INPP4B: variants seen among roughly 807,000 people sequenced by gnomAD.
INPP4B encodes the protein inositol polyphosphate 4-phosphatase type II.
Under a neutral mutation model 122.5 loss-of-function variants are expected in INPP4B, and 55 were observed. The ratio of observed to expected loss-of-function variants is 0.45; its 90% CI spans 0.36 to 0.56. INPP4B has a LOEUF of 0.56. Ranked by LOEUF, INPP4B falls within the 20% of genes least tolerant of loss-of-function variation. The pLI, the probability that INPP4B is intolerant of heterozygous loss-of-function variation, is 0.00. For synonymous variants in INPP4B, 403 were observed against 388.7 expected (o/e 1.04, Z -0.43); for missense variants, 1,000 against 1,097.7 (o/e 0.91, Z 1.26).
intron 5 of INPP4B, among the ~76,000 whole-genome samples, chr4:142,409,302 G>A (rs1163144073): frequency 1.3e-5 from 2 of 152,182 alleles, no homozygotes; most frequent in Non-Finnish European, 2.9e-5. Flanking sequence ...AGACCAGCCT[G>A]GCCAACATGG....
At chr4:142,202,324 A>T (rs1282757504) in intron 14 of INPP4B, among the ~76,000 whole-genome samples, 3 of 152,114 alleles carry the variant, frequency 2.0e-5, no homozygotes, top group Non-Finnish European at 4.4e-5. Flanking sequence ...TCAAAAATGA[A>T]GACACGCTGA....
chr4:142,423,217 A>G (rs755430167), intron 5 of INPP4B, among the ~76,000 whole-genome samples: 7 of 152,112 alleles, frequency 4.6e-5, no homozygotes, highest in Non-Finnish European at 1.0e-4. Context: ...TTAGAAAAAC[A>G]TATAAAACAA....
intron 7 of INPP4B, among the ~76,000 whole-genome samples, chr4:142,357,215 G>A (rs935076136): frequency 6.6e-6 from 1 of 152,002 alleles, no homozygotes; most frequent in Non-Finnish European, 1.5e-5. Context: ...TCTCTGATTT[G>A]TAGCCAAGTC....
chr4:142,735,374 A>C (rs570563978), intron 1 of INPP4B, among the ~76,000 whole-genome samples: 1 of 152,290 alleles, frequency 6.6e-6, no homozygotes, highest in East Asian at 1.9e-4. Flanking sequence ...ATAGTCTTAA[A>C]TTTTTAGAAA....
intron 7 of INPP4B, among the ~76,000 whole-genome samples, chr4:142,397,804 A>G (rs999722621): frequency 2.0e-5 from 3 of 152,068 alleles, no homozygotes; most frequent in Non-Finnish European, 4.4e-5. Context: ...GAGCCACTGC[A>G]TTCCAGCCTG....
At chr4:142,816,315 A>C (rs1780109568) in intron 1 of INPP4B, among the ~76,000 whole-genome samples, 1 of 152,166 alleles carries the variant, frequency 6.6e-6, no homozygotes, top group Admixed American at 6.6e-5. Context: ...GTAAGAAATT[A>C]TTTCATCAAT....
chr4:142,771,928 A>G (rs11733339), intron 1 of INPP4B, among the ~76,000 whole-genome samples: 1 of 152,140 alleles, frequency 6.6e-6, no homozygotes, highest in South Asian at 2.1e-4. Context: ...CTTCTCTCTC[A>G]CTTGAAGAAA....
At chr4:142,737,612 G>C (rs906803037) in intron 1 of INPP4B, among the ~76,000 whole-genome samples, 1 of 152,128 alleles carries the variant, frequency 6.6e-6, no homozygotes, top group African/African-American at 2.4e-5. Flanking sequence ...ATGGACAAAT[G>C]GGATCTAATT....
chr4:142,321,956 T>C (rs1770242497), intron 7 of INPP4B, among the ~76,000 whole-genome samples: 1 of 152,182 alleles, frequency 6.6e-6, no homozygotes. Context: ...TAACATTAAA[T>C]CTTCATTTAC....
At chr4:142,298,683 C>CAA (rs386401712) in intron 9 of INPP4B, among the ~76,000 whole-genome samples, 6,695 of 65,630 alleles carry the variant, frequency 0.1, 909 homozygotes, top group South Asian at 0.14. Context: ...GACTCTGTCT[C>CAA]AAAAAAAAAA....
intron 1 of INPP4B, among the ~76,000 whole-genome samples, chr4:142,773,833 G>A (rs886963843): frequency 6.6e-6 from 1 of 151,186 alleles, no homozygotes; most frequent in Non-Finnish European, 1.5e-5. Flanking sequence ...CCCCAGAAGA[G>A]AATGAAATTG....
intron 2 of INPP4B, among the ~76,000 whole-genome samples, chr4:142,606,481 A>ACACAT (rs1741290001): frequency 6.6e-6 from 1 of 151,978 alleles, no homozygotes; most frequent in African/African-American, 2.4e-5. Context: ...CTTGATCATT[A>ACACAT]CACATTCTTT....
At chr4:142,228,130 A>G (rs1162600372) in intron 12 of INPP4B, among the ~76,000 whole-genome samples, 4 of 151,946 alleles carry the variant, frequency 2.6e-5, no homozygotes, top group Admixed American at 1.3e-4. Context: ...TTTTTATCAC[A>G]TAGTTTTTAA....
Position 142,453,659 on chromosome 4 carries a change from G to A in INPP4B, c.-127+9004C>T, listed in dbSNP as rs193230467. Among the ~76,000 whole-genome samples the A allele has an allele frequency of 1.5e-4, 23 of 152,104 alleles. No individual in the cohort carries two copies. The East Asian group carries it at 4.4e-3, about 29-fold the overall frequency. ...TAACTAACTTTTCTCTTTCCCTATTGTCTACTGCATACACATAATGCATCT... is the reference window on the plus strand; with the variant it reads ...TAACTAACTTTTCTCTTTCCCTATTATCTACTGCATACACATAATGCATCT... On this transcript the variant is annotated intron_variant, in intron 3 of 25. Coordinates refer to ENST00000262992, the MANE Select transcript of INPP4B (RefSeq NM_001101669.3).
chr4:142,578,179 T>C (rs973662936), intron 2 of INPP4B, among the ~76,000 whole-genome samples: 2 of 152,026 alleles, frequency 1.3e-5, no homozygotes, highest in Admixed American at 1.3e-4. Flanking sequence ...TGTGAGGGCA[T>C]CAGGCTGAGA....
At chr4:142,378,153 C>G (rs1792711634) in intron 7 of INPP4B, among the ~76,000 whole-genome samples, 1 of 152,098 alleles carries the variant, frequency 6.6e-6, no homozygotes, top group African/African-American at 2.4e-5. Flanking sequence ...CATTTTAGAG[C>G]TGGAGAAACT....
chr4:142,426,540 G>A (rs1808097163), intron 5 of INPP4B: 1 of 151,862 alleles, frequency 6.6e-6, no homozygotes, highest in Admixed American at 6.6e-5. Context: ...AGTTAACAAT[G>A]GACAAGAGAT....
chr4:142,115,031 C>T lies in INPP4B; in HGVS notation c.2136-2349G>A, dbSNP rs974468478. Among the ~76,000 whole-genome samples the T allele has an allele frequency of 5.9e-5, 9 of 151,780 alleles. 1 individual carries two copies. The highest frequency in any genetic ancestry group is 9.7e-5 in the African/African-American group (4 of 41,330). Reference sequence around the variant, plus strand: ...TGATGCATGCCCAAGCTTCAGTAGCCGATTCAATCAAGTGGAAGAAAGGGT... The same window carrying T: ...TGATGCATGCCCAAGCTTCAGTAGCTGATTCAATCAAGTGGAAGAAAGGGT... On this transcript the variant is annotated intron_variant, in intron 21 of 25. Coordinates refer to ENST00000262992, the MANE Select transcript of INPP4B (RefSeq NM_001101669.3).
intron 1 of INPP4B, among the ~76,000 whole-genome samples, chr4:142,805,926 T>C (rs1778618971): frequency 6.6e-6 from 1 of 152,086 alleles, no homozygotes; most frequent in South Asian, 2.1e-4. Context: ...TATTGTTAAG[T>C]GAATAAAGTC....
Sources: gnomAD v4.1 joint callset for allele counts (sites outside exome capture counted in the v4.1 genomes callset) on GRCh38, gnomAD v4.1.1 for gene constraint, MANE v1.5 for transcripts, NCBI Gene and HGNC (gene_info 2026-07-23, HGNC 2026-07-21) for gene names.